The following SERGEF variants were observed in gnomAD, a reference collection of about 807,000 sequenced individuals.
The protein encoded by SERGEF is secretion regulating guanine nucleotide exchange factor.
In SERGEF, 51 loss-of-function variants were observed where a neutral mutation model predicts 50.0. The observed-to-expected ratio is 1.02, with a 90% CI of 0.81 to 1.29. SERGEF has a LOEUF of 1.29. SERGEF is among the 50% of genes most tolerant of loss of function. SERGEF has a pLI of 0.00. For missense variants in SERGEF, 521 were observed against 557.0 expected, an observed-to-expected ratio of 0.94 and a Z score of 0.65; for synonymous variants, 205 against 212.4, an observed-to-expected ratio of 0.97 and a Z score of 0.30.
At chr11:17,876,288 T>G (rs1851234700) in intron 10 of SERGEF, among the ~76,000 whole-genome samples, 1 of 152,182 alleles carries the variant, frequency 6.6e-6, no homozygotes, top group Admixed American at 6.5e-5. Context: ...AGGTCTGTCC[T>G]CAAGTGCTCG....
intron 3 of SERGEF, among the ~76,000 whole-genome samples, chr11:18,005,067 A>AG (rs1280310816): frequency 1.3e-5 from 2 of 152,208 alleles, no homozygotes; most frequent in African/African-American, 4.8e-5. Context: ...GAAGAATATT[A>AG]GGACCACTGG....
At chr11:17,817,341 A>G (rs1373558995) in intron 10 of SERGEF, among the ~76,000 whole-genome samples, 1 of 151,770 alleles carries the variant, frequency 6.6e-6, no homozygotes, top group African/African-American at 2.4e-5. Flanking sequence ...CAGCCTCCCA[A>G]ATAGCTGAGA....
intron 10 of SERGEF, among the ~76,000 whole-genome samples, chr11:17,810,199 C>A (rs1018370277): frequency 9.9e-5 from 15 of 152,186 alleles, no homozygotes; most frequent in African/African-American, 3.6e-4. Context: ...AGGATTAGGG[C>A]CCTCAGATGG....
chr11:17,815,602 G>A (rs1361615334), intron 10 of SERGEF, among the ~76,000 whole-genome samples: 1 of 143,452 alleles, frequency 7.0e-6, no homozygotes, highest in Admixed American at 7.1e-5. Context: ...GTGACAGAGC[G>A]AGACTCCATC....
intron 8 of SERGEF, among the ~76,000 whole-genome samples, chr11:17,978,278 TAA>T (rs879878729): frequency 6.9e-6 from 1 of 145,640 alleles, no homozygotes; most frequent in Non-Finnish European, 1.5e-5. Context: ...CCTTGGAAAT[TAA>T]AAAAAAAAAA....
chr11:17,832,364 G>A lies in SERGEF; in HGVS notation c.1049-43951C>T, dbSNP rs138595509. On this transcript the variant is annotated intron_variant, in intron 10 of 10. Transcript: ENST00000265965. ...CATAACATGTGAGTTGCTCATCCTT[G>A]CCTTCCGCCATGATTGTGAGGCCTC... Among the ~76,000 whole-genome samples the A allele has an allele frequency of 1.7e-3, 258 of 152,252 alleles. 1 individual carries two copies. Among genetic ancestry groups the A allele is most frequent in the African/African-American group, 6.0e-3 (250 of 41,544 alleles).
At position 18,006,883 on chromosome 11, in the gene SERGEF, G is replaced by A. The variant is rs1378784792; in HGVS notation, c.197-137C>T. 9 of 952,854 alleles carry A rather than the reference G, an allele frequency of 9.4e-6. No individual in the cohort carries two copies. In the Admixed American group the frequency reaches 2.2e-4, roughly 23 times the overall value. The allele number at this position is 952,854 out of a possible 1,614,324, so 59.0% of individuals were successfully genotyped here. A position where few individuals can be genotyped will look rare whatever the true frequency, so the allele number is the denominator to read the frequency against. The stretch of plus-strand genomic sequence containing the variant: ...CCATCCAAGTTAATAAGCTGTGTAT[G>A]TTCATGTATTCTGGAGCCAAACAAC... On this transcript the variant is annotated intron_variant, in intron 2 of 10. Transcript: ENST00000265965.
At chr11:17,873,878 G>A (rs1421113981) in intron 10 of SERGEF, among the ~76,000 whole-genome samples, 1 of 152,216 alleles carries the variant, frequency 6.6e-6, no homozygotes, top group Non-Finnish European at 1.5e-5. Context: ...ACATCAGGAA[G>A]AAGGCAAGCA....
chr11:17,871,877 C>T (rs548966902), intron 10 of SERGEF, among the ~76,000 whole-genome samples: 7 of 152,216 alleles, frequency 4.6e-5, no homozygotes, highest in African/African-American at 1.7e-4. Context: ...CACTGTTGCG[C>T]AGTATTTACT....
At chr11:17,848,928 C>T (rs1451226869) in intron 10 of SERGEF, among the ~76,000 whole-genome samples, 1 of 152,180 alleles carries the variant, frequency 6.6e-6, no homozygotes, top group Admixed American at 6.5e-5. Flanking sequence ...CCAGATTATA[C>T]AGTCGAATGG....
intron 10 of SERGEF, among the ~76,000 whole-genome samples, chr11:17,835,639 A>C (rs1212099698): frequency 6.6e-6 from 1 of 152,224 alleles, no homozygotes; most frequent in Non-Finnish European, 1.5e-5. Context: ...AGCAGATGTC[A>C]ATAAATGTTC....
intron 9 of SERGEF, among the ~76,000 whole-genome samples, chr11:17,898,858 C>G (rs1851693538): frequency 1.3e-5 from 2 of 152,084 alleles, no homozygotes; most frequent in South Asian, 4.2e-4. Context: ...TTGTAATCCC[C>G]AGTGTTGGAG....
chr11:17,960,244 A>G (rs1424549883), intron 8 of SERGEF, among the ~76,000 whole-genome samples: 1 of 150,626 alleles, frequency 6.6e-6, no homozygotes, highest in East Asian at 1.9e-4. Context: ...GTGAGAGAAG[A>G]AAAAAAAAAT....
In SERGEF at chr11:17,884,634, C is replaced by T. The variant is rs191704381; in HGVS notation, c.1012-6390G>A. Among the ~76,000 whole-genome samples, 90 of 152,194 alleles carry T rather than the reference C, an allele frequency of 5.9e-4. 1 individual carries two copies. The highest frequency in any genetic ancestry group is 9.9e-4 in the Non-Finnish European group (67 of 68,006). On this transcript the variant is annotated intron_variant, in intron 9 of 10. Coordinates refer to ENST00000265965, the MANE Select transcript of SERGEF (RefSeq NM_012139.4). This position sits in a 1 kb window ranked among gnomAD's most constrained non-coding sequence, Gnocchi z 4.6. ...CCATGGCGACACCAGAGAGGCAGCACGGCTGTTTGCTTCTGGAAGAACCTA... is the reference window on the plus strand; with the variant it reads ...CCATGGCGACACCAGAGAGGCAGCATGGCTGTTTGCTTCTGGAAGAACCTA...
intron 10 of SERGEF, among the ~76,000 whole-genome samples, chr11:17,813,553 C>T (rs1281378778): frequency 6.6e-6 from 1 of 152,166 alleles, no homozygotes; most frequent in East Asian, 1.9e-4. Flanking sequence ...GAATGGAGTC[C>T]AGCTCTCTAC....
chr11:17,865,307 A>G (rs1851001431), intron 10 of SERGEF, among the ~76,000 whole-genome samples: 1 of 152,252 alleles, frequency 6.6e-6, no homozygotes, highest in South Asian at 2.1e-4. Context: ...ATAATACTTG[A>G]TAAATAAATG....
chr11:18,003,969 G>A (rs1163442517), intron 4 of SERGEF, among the ~76,000 whole-genome samples: 1 of 152,150 alleles, frequency 6.6e-6, no homozygotes, highest in Non-Finnish European at 1.5e-5. Flanking sequence ...CAATAATGCT[G>A]TTATTTTAAA....
At position 18,006,611 on chromosome 11, in the gene SERGEF, T is replaced by G. The variant is rs747016509; in HGVS notation, c.332A>C (p.Asp111Ala). The G allele has an allele frequency of 2.8e-5, 45 of 1,613,730 alleles. No homozygotes were observed. The highest frequency in any genetic ancestry group is 2.8e-5 in the Non-Finnish European group (33 of 1,179,918). ...CPIQQVACGW[D>A]FTIMLTENGQ... is the part of the protein sequence containing the mutation. ...CTCACCTGTGAGCATAATCGTAAAA[T>G]CCCAGCCACAGGCCACCTGTTGGAT... Residue 111 changes from aspartate (D) to alanine (A), a missense_variant, in exon 3 of 11, where the codon GAT becomes GCT. Coordinates refer to ENST00000265965, the MANE Select transcript of SERGEF (RefSeq NM_012139.4).
chr11:17,889,535 A>C (rs1851494503), intron 9 of SERGEF, among the ~76,000 whole-genome samples: 1 of 152,220 alleles, frequency 6.6e-6, no homozygotes, highest in Non-Finnish European at 1.5e-5. Flanking sequence ...TAAGAGATAA[A>C]GAAAAGCTAT....
Sources: gnomAD v4.1 joint callset for allele counts (sites outside exome capture counted in the v4.1 genomes callset) on GRCh38, gnomAD v4.1.1 for gene constraint, Gnocchi (gnomAD v3.1) non-coding constraint, MANE v1.5 for transcripts, NCBI Gene and HGNC (gene_info 2026-07-23, HGNC 2026-07-21) for gene names.